AP2M1: variants seen among roughly 807,000 people sequenced by gnomAD.
AP2M1 encodes adaptor related protein complex 2 subunit mu 1, also known as AP-2 complex subunit mu.
A neutral mutation model predicts 54.5 loss-of-function variants in AP2M1; 5 were observed. That is an observed-to-expected ratio of 0.09 (90% CI 0.05 to 0.19). AP2M1 has a LOEUF of 0.19. AP2M1 is among the 10% of genes least tolerant of loss of function. The probability of loss-of-function intolerance (pLI) is 1.00; values close to 1 mark genes in which losing one functional copy is unlikely to be tolerated. For synonymous variants in AP2M1, 186 were observed against 208.2 expected (o/e 0.89, Z 0.92); for missense variants, 178 against 580.2 (o/e 0.31, Z 7.12).
At position 184,179,063 on chromosome 3, in the gene AP2M1, G is replaced by T; in HGVS notation, c.281G>T (p.Gly94Val). 1 of 1,614,120 alleles carries T rather than the reference G, an allele frequency of 6.2e-7. No individual in the cohort carries two copies. Reference protein sequence around the residue: ...KMCDVMAAYFGKISEENIKNN... With the variant: ...KMCDVMAAYFVKISEENIKNN... ...TGTGACGTGATGGCTGCCTACTTTG[G>T]CAAGATCAGCGAGGAAAACATCAAG... The change falls in exon 3 of 12, where the codon GGC (glycine) becomes GTC (valine). Residue 94 changes from glycine (G) to valine (V), a missense_variant. Transcript: ENST00000292807.
In AP2M1 at chr3:184,183,742, C is replaced by T. The variant is rs771441498; in HGVS notation, c.*126C>T. 104 of 1,177,028 alleles carry T rather than the reference C, an allele frequency of 8.8e-5. 1 individual carries two copies. The highest frequency in any genetic ancestry group is 3.4e-4 in the African/African-American group (22 of 65,116). The allele number at this position is 1,177,028 out of a possible 1,614,324, so 72.9% of individuals were successfully genotyped here. A position where few individuals can be genotyped will look rare whatever the true frequency, so the allele number is the denominator to read the frequency against. ...TTGCTGCCTTCCCTTTGCACCAGCC[C>T]GAGTCTAGGTCTGGGCCAAGCACAT... On this transcript the variant is annotated 3_prime_UTR_variant, in exon 12 of 12. Transcript: ENST00000292807. This position sits in a 1 kb window ranked among gnomAD's most constrained non-coding sequence, Gnocchi z 5.7.
At chr3:184,179,722 G>A (rs990016385) in intron 3 of AP2M1, among the ~76,000 whole-genome samples, 1 of 149,090 alleles carries the variant, frequency 6.7e-6, no homozygotes, top group Non-Finnish European at 1.5e-5. Flanking sequence ...GTGCAGTGGT[G>A]CAATTGCAGC....
At chr3:184,175,907 G>A (rs1365938814) in intron 1 of AP2M1, among the ~76,000 whole-genome samples, 1 of 152,180 alleles carries the variant, frequency 6.6e-6, no homozygotes, top group Non-Finnish European at 1.5e-5. Context: ...GACCTTGACA[G>A]CCACAGGAAA....
chr3:184,180,518 C>T lies in AP2M1; in HGVS notation c.424-127C>T, dbSNP rs915261506. 6 of 1,457,276 alleles carry T rather than the reference C, an allele frequency of 4.1e-6. No individual in the cohort carries two copies. In the Admixed American group the frequency reaches 5.5e-5, roughly 13 times the overall value. 90.3% of individuals were successfully genotyped at this position (1,457,276 alleles called of 1,614,324 possible). On this transcript the variant is annotated intron_variant, in intron 4 of 11. Coordinates refer to ENST00000292807, the MANE Select transcript of AP2M1 (RefSeq NM_004068.4). This position sits in a 1 kb window ranked among gnomAD's most constrained non-coding sequence, Gnocchi z 4.9. ...TGGGGGAGGAGGCCTGGTCTTGAGG[C>T]CTGGTATTCCTCAGGAGGAGCGAGC...
Position 184,180,107 on chromosome 3 carries a change from C to G in AP2M1, c.341-62C>G, listed in dbSNP as rs1458125982. ...AGCTGTGCCGGTCAGATGTGTAGGC[C>G]CAAGTAGGGGCTGGAATGAAGAAGC... On this transcript the variant is annotated intron_variant, in intron 3 of 11. Transcript: ENST00000292807. This position sits in a 1 kb window ranked among gnomAD's most constrained non-coding sequence, Gnocchi z 4.9. 6.5e-7 allele frequency: 1 copy of G among 1,550,328 alleles called. No individual in the cohort carries two copies. Among genetic ancestry groups the G allele is most frequent in the Non-Finnish European group, 8.9e-7 (1 of 1,124,542 alleles).
In AP2M1 at chr3:184,181,850, C is replaced by G; in HGVS notation, c.827+35C>G. The G allele has an allele frequency of 6.2e-7, 1 of 1,614,142 alleles. No homozygotes were observed. The highest frequency in any genetic ancestry group is 8.5e-7 in the Non-Finnish European group (1 of 1,179,986). On this transcript the variant is annotated intron_variant, in intron 8 of 11. Transcript: ENST00000292807. The surrounding 1 kb of genome is among the most constrained non-coding windows in gnomAD (Gnocchi z 5.7). ...GGGTGTGAGGAGGCAGCTAGTGCTG[C>G]TGGCAGACTGGGGAGAGGAAGTGGG...
chr3:184,177,516 C>T (rs1715113160), intron 2 of AP2M1: 1 of 1,533,124 alleles, frequency 6.5e-7, no homozygotes, highest in African/African-American at 1.4e-5. Context: ...TCCAGGCTGC[C>T]CAATCCTCTC....
chr3:184,181,338 G>C lies in AP2M1; in HGVS notation c.707+112G>C, dbSNP rs1260404933. ...CATTCCCACTGTAATTGCAAACTCT[G>C]TTCCTGACGGTAAGCCTGGCTGTTC... On this transcript the variant is annotated intron_variant, in intron 7 of 11. Transcript: ENST00000292807. This position sits in a 1 kb window ranked among gnomAD's most constrained non-coding sequence, Gnocchi z 5.7. 6.7e-7 allele frequency: 1 copy of C among 1,482,422 alleles called. No homozygotes were observed. Among genetic ancestry groups the C allele is most frequent in the Admixed American group, 1.8e-5 (1 of 55,178 alleles). The allele number at this position is 1,482,422 out of a possible 1,614,324, so 91.8% of individuals were successfully genotyped here.
In AP2M1 at chr3:184,178,617, G is replaced by A. The variant is rs749279031; in HGVS notation, c.75-240G>A. Among the ~76,000 whole-genome samples the A allele has an allele frequency of 1.8e-4, 27 of 152,218 alleles. No individual in the cohort carries two copies. The highest frequency in any genetic ancestry group is 3.3e-4 in the Admixed American group (5 of 15,282). On this transcript the variant is annotated intron_variant, in intron 2 of 11. Coordinates refer to ENST00000292807, the MANE Select transcript of AP2M1 (RefSeq NM_004068.4). The surrounding 1 kb of genome is among the most constrained non-coding windows in gnomAD (Gnocchi z 4.9). ...TATTAAGGTTACATCAGCCTTAATA[G>A]TTGACTTCCCTATTTCTTGTGGCCT...
Position 184,182,678 on chromosome 3 carries a change from T to C in AP2M1, c.1062-79T>C. 3 of 1,275,666 alleles carry C rather than the reference T, an allele frequency of 2.4e-6. No individual in the cohort carries two copies. Among genetic ancestry groups the C allele is most frequent in the East Asian group, 2.4e-5 (1 of 42,334 alleles). The allele number at this position is 1,275,666 out of a possible 1,614,324, so 79.0% of individuals were successfully genotyped here. On this transcript the variant is annotated intron_variant, in intron 10 of 11. Transcript: ENST00000292807. This position sits in a 1 kb window ranked among gnomAD's most constrained non-coding sequence, Gnocchi z 5.5. ...GCACCTCCTGCAAGCTCCTGGGCTC[T>C]CTCCTTGCTTGAAATGGGCAACTGC...
rs1403801139 is a variant in AP2M1, at chr3:184,182,284, A to G, written c.1061+36A>G. ...CCTTCATTAGGCCACAGCAGGGCTCAAGATCCCAGTATACCCTCTTGTTTT... is the reference window on the plus strand; with the variant it reads ...CCTTCATTAGGCCACAGCAGGGCTCGAGATCCCAGTATACCCTCTTGTTTT... On this transcript the variant is annotated intron_variant, in intron 10 of 11. Transcript: ENST00000292807. The surrounding 1 kb of genome is among the most constrained non-coding windows in gnomAD (Gnocchi z 5.5). 1 of 1,601,898 alleles carries G rather than the reference A, an allele frequency of 6.2e-7. No homozygotes were observed. The highest frequency in any genetic ancestry group is 2.2e-5 in the East Asian group (1 of 44,718).
At position 184,178,274 on chromosome 3, in the gene AP2M1, C is replaced by T; in HGVS notation, c.75-583C>T. 6.5e-7 allele frequency: 1 copy of T among 1,528,978 alleles called. No homozygotes were observed. Among genetic ancestry groups the T allele is most frequent in the Non-Finnish European group, 8.8e-7 (1 of 1,140,382 alleles). 94.7% of individuals were successfully genotyped at this position (1,528,978 alleles called of 1,614,324 possible). A position where few individuals can be genotyped will look rare whatever the true frequency, so the allele number is the denominator to read the frequency against. On this transcript the variant is annotated intron_variant, in intron 2 of 11. Coordinates refer to ENST00000292807, the MANE Select transcript of AP2M1 (RefSeq NM_004068.4). The surrounding 1 kb of genome is among the most constrained non-coding windows in gnomAD (Gnocchi z 4.9). The stretch of plus-strand genomic sequence containing the variant: ...CAGGTACAGGTGGGTGGGGGCCTGC[C>T]CCCATCGTTTTCCTGCATCCTTTTT...
chr3:184,177,821 G>A, intron 2 of AP2M1: 1 of 598,220 alleles, frequency 1.7e-6, no homozygotes, highest in South Asian at 2.1e-5. Context: ...GGTTCCTGCT[G>A]CCTGTTTTTC....
chr3:184,180,357 G>A lies in AP2M1; in HGVS notation c.423+106G>A. 1.4e-6 allele frequency: 2 copies of A among 1,393,680 alleles called. No individual in the cohort carries two copies. Among genetic ancestry groups the A allele is most frequent in the East Asian group, 2.4e-5 (1 of 41,268 alleles). 86.3% of individuals were successfully genotyped at this position (1,393,680 alleles called of 1,614,324 possible). On this transcript the variant is annotated intron_variant, in intron 4 of 11. Coordinates refer to ENST00000292807, the MANE Select transcript of AP2M1 (RefSeq NM_004068.4). The surrounding 1 kb of genome is among the most constrained non-coding windows in gnomAD (Gnocchi z 4.9). ...TGACTCATGAGCCCTCCCATGACAG[G>A]AAGTGCTGGCCTGAGCCTCCTGCCA... is the stretch of plus-strand genomic sequence containing the variant.
Position 184,180,402 on chromosome 3 carries a change from C to T in AP2M1, c.423+151C>T. On this transcript the variant is annotated intron_variant, in intron 4 of 11. Transcript: ENST00000292807. The surrounding 1 kb of genome is among the most constrained non-coding windows in gnomAD (Gnocchi z 4.9). ...CTGCCATGATTGCAGGCCGATTTTGCTCTGTGTGGTCCTCCCACTGCAGGA... is the reference window on the plus strand; with the variant it reads ...CTGCCATGATTGCAGGCCGATTTTGTTCTGTGTGGTCCTCCCACTGCAGGA... 1 of 1,117,440 alleles carries T rather than the reference C, an allele frequency of 8.9e-7. No homozygotes were observed. Among genetic ancestry groups the T allele is most frequent in the Middle Eastern group, 3.0e-4 (1 of 3,368 alleles). 69.2% of individuals were successfully genotyped at this position (1,117,440 alleles called of 1,614,324 possible). A position where few individuals can be genotyped will look rare whatever the true frequency, so the allele number is the denominator to read the frequency against.
chr3:184,178,179 G>C lies in AP2M1; in HGVS notation c.75-678G>C. ...TTGCTATCACTCTCCTCTTCTTGCT[G>C]GCGTCATTTCTCTCATCCCATCTCA... is the stretch of plus-strand genomic sequence containing the variant. On this transcript the variant is annotated intron_variant, in intron 2 of 11. Transcript: ENST00000292807. The surrounding 1 kb of genome is among the most constrained non-coding windows in gnomAD (Gnocchi z 4.9). 1 of 1,534,308 alleles carries C rather than the reference G, an allele frequency of 6.5e-7. No homozygotes were observed. Among genetic ancestry groups the C allele is most frequent in the Non-Finnish European group, 8.7e-7 (1 of 1,145,202 alleles).
chr3:184,175,521 C>T (rs1274159305), intron 1 of AP2M1, among the ~76,000 whole-genome samples: 2 of 152,196 alleles, frequency 1.3e-5, no homozygotes, highest in Admixed American at 1.3e-4. Flanking sequence ...CCCAAGCAGG[C>T]TCTGTCTCCC....
In AP2M1 at chr3:184,178,148, C is replaced by T; in HGVS notation, c.75-709C>T. The T allele has an allele frequency of 6.7e-7, 1 of 1,493,270 alleles. No individual in the cohort carries two copies. Among genetic ancestry groups the T allele is most frequent in the Non-Finnish European group, 9.0e-7 (1 of 1,107,868 alleles). The allele number at this position is 1,493,270 out of a possible 1,614,324, so 92.5% of individuals were successfully genotyped here. A position where few individuals can be genotyped will look rare whatever the true frequency, so the allele number is the denominator to read the frequency against. On this transcript the variant is annotated intron_variant, in intron 2 of 11. Transcript: ENST00000292807. This position sits in a 1 kb window ranked among gnomAD's most constrained non-coding sequence, Gnocchi z 4.9. ...CGGTGTGTTGTGTGTCTAACCCTCT[C>T]TCTCGTTGCTATCACTCTCCTCTTC... is the stretch of plus-strand genomic sequence containing the variant.
chr3:184,175,245 C>A (rs1337778469), intron 1 of AP2M1: 1 of 361,860 alleles, frequency 2.8e-6, no homozygotes, highest in Non-Finnish European at 4.9e-6. Flanking sequence ...GCAGCGCCCC[C>A]TCCCTAGGAT....
Sources: allele counts gnomAD v4.1 joint callset (sites outside exome capture counted in the v4.1 genomes callset), GRCh38; gene constraint gnomAD v4.1.1; non-coding constraint Gnocchi (gnomAD v3.1); transcripts MANE v1.5; gene names NCBI Gene and HGNC (gene_info 2026-07-23, HGNC 2026-07-21).